Variants in DYRK1B observed in about 807,000 individuals in gnomAD.
DYRK1B encodes the protein dual specificity tyrosine-phosphorylation-regulated kinase 1B.
DYRK1B carries 20 observed loss-of-function variants against 57.1 expected under a neutral mutation model. The observed-to-expected ratio is 0.35, with a 90% confidence interval of 0.25 to 0.51. The LOEUF (loss-of-function observed/expected upper bound fraction) is 0.51, where lower values mean the gene tolerates loss of function less well. Among genes scored for constraint, DYRK1B ranks in the 20% least tolerant of loss-of-function variants. The probability of loss-of-function intolerance (pLI) is 0.96; values close to 1 mark genes in which losing one functional copy is unlikely to be tolerated. For synonymous variants in DYRK1B, 409 were observed against 384.7 expected (o/e 1.06, Z -0.74); for missense variants, 732 against 886.3 (o/e 0.83, Z 2.21).
At chr19:39,829,167 G>A (rs1029813683) in intron 5 of DYRK1B, among the ~76,000 whole-genome samples, 3 of 149,048 alleles carry the variant, frequency 2.0e-5, no homozygotes, top group Admixed American at 1.3e-4. Flanking sequence ...TCCTTTCTTC[G>A]TTTTTTTTTG....
intron 1 of DYRK1B, chr19:39,833,361 G>A (rs1290160822): frequency 2.0e-6 from 2 of 985,288 alleles, no homozygotes; most frequent in Non-Finnish European, 2.4e-6. Context: ...CGGTGGCGGC[G>A]CTGAAAAGGC....
Position 39,827,628 on chromosome 19 carries a change from T to G in DYRK1B, c.836A>C (p.Tyr279Ser). 6.2e-7 allele frequency: 1 copy of G among 1,614,000 alleles called. No homozygotes were observed. The highest frequency in any genetic ancestry group is 1.1e-5 in the South Asian group (1 of 91,084). ...GCCCAGGAGCACCTCAGGTGAGCGG[T>G]AGAAGCGGCTCTGGATATACTGGTA... Reference protein sequence around the residue: ...RIYQYIQSRFYRSPEVLLGTP... With the variant: ...RIYQYIQSRFSRSPEVLLGTP... Residue 279 changes from tyrosine (Y) to serine (S), a missense_variant, in exon 7 of 11, where the codon TAC becomes TCC. Coordinates refer to ENST00000323039, the MANE Select transcript of DYRK1B (RefSeq NM_004714.3).
Position 39,827,380 on chromosome 19 carries a change from C to T in DYRK1B, c.1000G>A (p.Ala334Thr), listed in dbSNP as rs1240429720. ...RIVEVLGIPPAAMLDQAPKAR... is the reference protein window; with the variant it reads ...RIVEVLGIPPTAMLDQAPKAR... ...TTGGGCGCCTGGTCCAGCATGGCGGCCGGTGGGATGCCCAGCACCTCCACA... is the reference window on the plus strand; with the variant it reads ...TTGGGCGCCTGGTCCAGCATGGCGGTCGGTGGGATGCCCAGCACCTCCACA... The change falls in exon 8 of 11, where the codon GCC becomes ACC. Residue 334 changes from alanine (A) to threonine (T), a missense_variant. This residue lies in a region of DYRK1B where 510 missense variants were observed against 681.3 expected (regional missense o/e 0.75). Coordinates refer to ENST00000323039, the MANE Select transcript of DYRK1B (RefSeq NM_004714.3). 1.9e-6 allele frequency: 3 copies of T among 1,613,746 alleles called. No individual in the cohort carries two copies. Among genetic ancestry groups the T allele is most frequent in the Non-Finnish European group, 2.5e-6 (3 of 1,179,724 alleles).
intron 2 of DYRK1B, 122 bp downstream of exon 2, chr19:39,831,683 T>C (rs1010967856): frequency 6.3e-6 from 8 of 1,263,362 alleles, no homozygotes; most frequent in South Asian, 1.3e-5. Context: ...TCCAATCCCA[T>C]GGGACCCATT....
At chr19:39,830,165 G>T in intron 4 of DYRK1B, 138 bp from the exon 5 acceptor site, 1 of 1,211,748 alleles carries the variant, frequency 8.3e-7, no homozygotes, top group Non-Finnish European at 1.2e-6. Context: ...TTAGTCAGGC[G>T]CTGGTGTAAA....
In DYRK1B at chr19:39,828,501, C is replaced by A; in HGVS notation, c.603G>T (p.Leu201=). 2 of 1,613,650 alleles carry A rather than the reference C, an allele frequency of 1.2e-6. No individual in the cohort carries two copies. Among genetic ancestry groups the A allele is most frequent in the Non-Finnish European group, 1.7e-6 (2 of 1,179,840 alleles). Residue 201 remains leucine (L), a synonymous_variant, in exon 6 of 11, where the codon CTG becomes CTT. Coordinates refer to ENST00000323039, the MANE Select transcript of DYRK1B (RefSeq NM_004714.3). This position sits in a 1 kb window ranked among gnomAD's most constrained non-coding sequence, Gnocchi z 4.3. ...ELLSYNLYDL[L]RNTHFRGVSL... ...AGACGCCGCGGAAGTGGGTGTTGCG[C>A]AGGAGGTCGTACAGGTTGTAGGACA...
chr19:39,830,349 T>A (rs1968749725), intron 4 of DYRK1B, 26 bp downstream of exon 4: 45 of 1,613,936 alleles, frequency 2.8e-5, no homozygotes, highest in Non-Finnish European at 3.8e-5. Flanking sequence ...GGGCCTTGGA[T>A]CAGGGTGGTG....
intron 1 of DYRK1B, among the ~76,000 whole-genome samples, 159 bp from the exon 2 acceptor site, chr19:39,832,127 T>C (rs1266628429): frequency 9.1e-6 from 1 of 110,170 alleles, no homozygotes; most frequent in Non-Finnish European, 1.9e-5. Context: ...GGCAGAGAAG[T>C]GGTAGCCAGG....
chr19:39,833,140 T>C, intron 1 of DYRK1B: 2 of 985,570 alleles, frequency 2.0e-6, no homozygotes, highest in Non-Finnish European at 2.4e-6. Context: ...CCATGTCAAA[T>C]CCCTTTCTCC....
rs1193986807 is a variant in DYRK1B, at chr19:39,826,073, TGGGA to T, written c.1528_1531del (p.Gln511ArgfsTer52). On this transcript the variant is annotated frameshift_variant, in exon 11 of 11. Transcript: ENST00000323039. LOFTEE classifies it high-confidence loss of function. This position sits in a 1 kb window ranked among gnomAD's most constrained non-coding sequence, Gnocchi z 6.3. ...ACCCCCTGCCCAGGGCCGCAGCGGC[TGGGA>T]GGGTGGGACCTAAAAAAGCAAAGGA... 5.3e-6 allele frequency: 8 copies of T among 1,521,872 alleles called. No individual in the cohort carries two copies. The highest frequency in any genetic ancestry group is 7.0e-6 in the Non-Finnish European group (8 of 1,138,466). The allele number at this position is 1,521,872 out of a possible 1,614,324, so 94.3% of individuals were successfully genotyped here.
intron 6 of DYRK1B, 89 bp from the exon 7 acceptor site, chr19:39,827,745 G>A: frequency 6.7e-7 from 1 of 1,483,230 alleles, no homozygotes; most frequent in Non-Finnish European, 9.1e-7. Flanking sequence ...CTGAGGACAG[G>A]CTTCTTGCTG....
At chr19:39,830,160 C>G in intron 4 of DYRK1B, 133 bp from the exon 5 acceptor site, 1 of 1,232,598 alleles carries the variant, frequency 8.1e-7, no homozygotes, top group Middle Eastern at 2.3e-4. Flanking sequence ...CACCATTAGT[C>G]AGGCGCTGGT....
intron 8 of DYRK1B, 79 bp downstream of exon 8, chr19:39,827,206 G>A (rs1005397125): frequency 9.3e-6 from 14 of 1,502,358 alleles, no homozygotes; most frequent in Non-Finnish European, 1.3e-5. Context: ...ACACAAGGGA[G>A]AGGGAGCAGG....
At chr19:39,833,136 C>G in intron 1 of DYRK1B, 1 of 985,716 alleles carries the variant, frequency 1.0e-6, no homozygotes, top group African/African-American at 1.7e-5. Flanking sequence ...TCCCCCATGT[C>G]AAATCCCTTT....
At position 39,826,972 on chromosome 19, in the gene DYRK1B, C is replaced by T. The variant is rs1335875822; in HGVS notation, c.1111G>A (p.Gly371Arg). 18 of 727,032 alleles carry T rather than the reference C, an allele frequency of 2.5e-5. No individual in the cohort carries two copies. The highest frequency in any genetic ancestry group is 1.1e-4 in the African/African-American group (4 of 35,490). 45.0% of individuals were successfully genotyped at this position (727,032 alleles called of 1,614,324 possible). A position where few individuals can be genotyped will look rare whatever the true frequency, so the allele number is the denominator to read the frequency against. ...KELRKDYQGP[G>R]TRRLQEVLGV... ...AGCACCTCCTGCAGCCGCCGTGTCC[C>T]GGGGCCCTGGTAATCCTGGCAGGGA... Residue 371 changes from glycine (G) to arginine (R), a missense_variant, in exon 9 of 11, where the codon GGG (glycine) becomes AGG (arginine). Physicochemically the swap from Gly to Arg is moderately radical, Grantham distance 125. This residue lies in a region of DYRK1B where 510 missense variants were observed against 681.3 expected (regional missense o/e 0.75). Transcript: ENST00000323039. The surrounding 1 kb of genome is among the most constrained non-coding windows in gnomAD (Gnocchi z 6.3).
chr19:39,827,975 G>A (rs572325153), intron 6 of DYRK1B, among the ~76,000 whole-genome samples: 3 of 152,202 alleles, frequency 2.0e-5, no homozygotes, highest in East Asian at 1.9e-4. Context: ...CTCATACAGA[G>A]CTGCAAAGTT....
At chr19:39,832,522 CAT>C (rs1337838596) in intron 1 of DYRK1B, among the ~76,000 whole-genome samples, 56 of 152,230 alleles carry the variant, frequency 3.7e-4, no homozygotes, top group African/African-American at 1.3e-3. Flanking sequence ...TCCCAAACCA[CAT>C]GAGTCTTCCC....
At position 39,826,519 on chromosome 19, in the gene DYRK1B, G is replaced by C. The variant is rs1368043467; in HGVS notation, c.1411+153C>G. ...GCCCAATTTCAGTGATTGTGTCAGGGCCAGTTGGAGCTCTCCCATCCCACA... is the reference window on the plus strand; with the variant it reads ...GCCCAATTTCAGTGATTGTGTCAGGCCCAGTTGGAGCTCTCCCATCCCACA... On this transcript the variant is annotated intron_variant, in intron 9 of 10. Coordinates refer to ENST00000323039, the MANE Select transcript of DYRK1B (RefSeq NM_004714.3). The surrounding 1 kb of genome is among the most constrained non-coding windows in gnomAD (Gnocchi z 6.3). Among the ~76,000 whole-genome samples the C allele has an allele frequency of 6.6e-6, 1 of 152,188 alleles. No individual in the cohort carries two copies.
In DYRK1B at chr19:39,826,391, G is replaced by T; in HGVS notation, c.1412-105C>A. 1 of 978,618 alleles carries T rather than the reference G, an allele frequency of 1.0e-6. No homozygotes were observed. The highest frequency in any genetic ancestry group is 1.7e-5 in the African/African-American group (1 of 59,566). The allele number at this position is 978,618 out of a possible 1,614,324, so 60.6% of individuals were successfully genotyped here. A position where few individuals can be genotyped will look rare whatever the true frequency, so the allele number is the denominator to read the frequency against. ...GGTCACGGCCCAGGCTCAGGTTCAG[G>T]CTTCAAGAGCAGAGCCCATCTGAAG... On this transcript the variant is annotated intron_variant, in intron 9 of 10. Transcript: ENST00000323039. This position sits in a 1 kb window ranked among gnomAD's most constrained non-coding sequence, Gnocchi z 6.3.
Sources: gnomAD v4.1 joint callset for allele counts (sites outside exome capture counted in the v4.1 genomes callset) on GRCh38, gnomAD v4.1.1 for gene constraint, gnomAD v4.1.1 regional missense constraint, Gnocchi (gnomAD v3.1) non-coding constraint, MANE v1.5 for transcripts, NCBI Gene and HGNC (gene_info 2026-07-23, HGNC 2026-07-21) for gene names.